ZBTB4: variants seen among roughly 807,000 people sequenced by gnomAD.
ZBTB4 encodes zinc finger and BTB domain-containing protein 4.
In ZBTB4, 14 loss-of-function variants were observed where a neutral mutation model predicts 59.8. The observed-to-expected ratio is 0.23, with a 90% CI of 0.15 to 0.37. The LOEUF is 0.37. Among genes scored for constraint, ZBTB4 ranks in the 10% least tolerant of loss-of-function variants. The pLI is 1.00. For missense variants in ZBTB4, 1,198 were observed against 1,380.8 expected (o/e 0.87, Z 2.10); for synonymous variants, 587 against 575.2 (o/e 1.02, Z -0.29).
At chr17:7,472,984 T>C (rs2070219822) in intron 1 of ZBTB4, among the ~76,000 whole-genome samples, 1 of 150,838 alleles carries the variant, frequency 6.6e-6, no homozygotes, top group South Asian at 2.1e-4. Flanking sequence ...GGACAGAGTC[T>C]AGCTCTGTCG....
chr17:7,468,809 C>T (rs777545744), intron 1 of ZBTB4, among the ~76,000 whole-genome samples: 10 of 152,204 alleles, frequency 6.6e-5, no homozygotes, highest in Non-Finnish European at 1.3e-4. Flanking sequence ...GCCTTTTCCC[C>T]ACATATACCC....
chr17:7,463,000 T>C lies in ZBTB4; in HGVS notation c.1982A>G (p.Asp661Gly). 1 of 1,610,340 alleles carries C rather than the reference T, an allele frequency of 6.2e-7. No individual in the cohort carries two copies. Among genetic ancestry groups the C allele is most frequent in the Non-Finnish European group, 8.5e-7 (1 of 1,179,084 alleles). ...GGAGTAGTAGGGCCTCCAGAGCTGGTCCTCCCCACCAGCCTTTGATTCCTC... is the reference window on the plus strand; with the variant it reads ...GGAGTAGTAGGGCCTCCAGAGCTGGCCCTCCCCACCAGCCTTTGATTCCTC... The part of the protein sequence containing the change: ...DEEESKAGGE[D>G]QLWRPYYSYK... The change falls in exon 4 of 4, where the codon GAC becomes GGC. Residue 661 changes from aspartate (D) to glycine (G), a missense_variant. Asp to Gly is a moderately conservative substitution (Grantham distance 94). Around this residue, in one of 9 missense-constraint regions of ZBTB4, gnomAD observed 550 missense variants for 541.8 expected, o/e 1.02. Transcript: ENST00000380599. The surrounding 1 kb of genome is among the most constrained non-coding windows in gnomAD (Gnocchi z 7.5).
At position 7,466,122 on chromosome 17, in the gene ZBTB4, C is replaced by A. The variant is rs1272130021; in HGVS notation, c.680G>T (p.Cys227Phe). The stretch of plus-strand genomic sequence containing the variant: ...GGGGAGGGGCCGCCGGGGCAGGGAG[C>A]ACTGCAAGTCAGGGGCCTGGGCCTC... ...RAEAQAPDLQCSLPRRPLPCP... is the reference protein window; with the variant it reads ...RAEAQAPDLQFSLPRRPLPCP... Residue 227 changes from cysteine (C) to phenylalanine (F), a missense_variant, in exon 3 of 4, where the codon TGC (cysteine) becomes TTC (phenylalanine). Coordinates refer to ENST00000380599, the MANE Select transcript of ZBTB4 (RefSeq NM_001128833.2). This position sits in a 1 kb window ranked among gnomAD's most constrained non-coding sequence, Gnocchi z 9.1. 3 of 1,609,196 alleles carry A rather than the reference C, an allele frequency of 1.9e-6. No homozygotes were observed. The East Asian group carries it at 6.7e-5, about 36-fold the overall frequency.
Position 7,462,046 on chromosome 17 carries a change from G to T in ZBTB4, c.2936C>A (p.Pro979His). The T allele has an allele frequency of 6.2e-7, 1 of 1,601,110 alleles. No homozygotes were observed. Among genetic ancestry groups the T allele is most frequent in the Middle Eastern group, 1.7e-4 (1 of 5,988 alleles). The change falls in exon 4 of 4, where the codon CCT becomes CAT. Residue 979 changes from proline (P) to histidine (H), a missense_variant. Transcript: ENST00000380599. This position sits in a 1 kb window ranked among gnomAD's most constrained non-coding sequence, Gnocchi z 7.5. ...TGGGGGAGGTGGTGTTGGTGGGGCA[G>T]GGGGTGCTGCTTGAGGATTCACTGC... Reference protein sequence around the residue: ...GYAVNPQAAPPAPPTPPPPTL... With the variant: ...GYAVNPQAAPHAPPTPPPPTL...
At chr17:7,481,999 C>A, upstream of ZBTB4, 2 of 1,598,110 alleles carry the variant, frequency 1.3e-6, no homozygotes, top group South Asian at 1.1e-5. Flanking sequence ...CTGGCAGTCA[C>A]CCCTACTTGA....
chr17:7,471,529 G>A (rs552698066), intron 1 of ZBTB4, among the ~76,000 whole-genome samples: 1 of 152,310 alleles, frequency 6.6e-6, no homozygotes, highest in Admixed American at 6.5e-5. Flanking sequence ...TCCCTTTCAG[G>A]TAGAAGGTAG....
chr17:7,479,274 G>A (rs947038523), intron 1 of ZBTB4, among the ~76,000 whole-genome samples, 182 bp downstream of exon 1: 1 of 151,564 alleles, frequency 6.6e-6, no homozygotes, highest in Non-Finnish European at 1.5e-5. Flanking sequence ...CCCCAGCGTC[G>A]TGCGCGCCCG....
At position 7,467,677 on chromosome 17, in the gene ZBTB4, AG is replaced by A. The variant is rs568772941; in HGVS notation, c.-80-351del. ...AGGGAAGCCTGTCACAGCACTCTCA[AG>A]TCCCTTTGGCCCAATCTCCAGGGCT... is the stretch of plus-strand genomic sequence containing the variant. On this transcript the variant is annotated intron_variant, in intron 1 of 3. Coordinates refer to ENST00000380599, the MANE Select transcript of ZBTB4 (RefSeq NM_001128833.2). Among the ~76,000 whole-genome samples the A allele has an allele frequency of 4.6e-5, 7 of 152,336 alleles. No homozygotes were observed. In the South Asian group the frequency reaches 1.4e-3, roughly 32 times the overall value.
At chr17:7,463,914 G>A in intron 3 of ZBTB4, 24 bp from the exon 4 acceptor site, 1 of 1,596,434 alleles carries the variant, frequency 6.3e-7, no homozygotes. Context: ...GCAGGGAATA[G>A]GGCAGGAACA....
intron 1 of ZBTB4, among the ~76,000 whole-genome samples, chr17:7,474,163 C>T (rs186952993): frequency 1.6e-3 from 246 of 151,620 alleles, no homozygotes; most frequent in Middle Eastern, 3.4e-3. Flanking sequence ...GTGATCCACC[C>T]GCCTTGGCCT....
In ZBTB4 at chr17:7,464,657, G is replaced by C. The variant is rs188153990; in HGVS notation, c.1092-767C>G. ...GTTCAAGAACAGCTTGGCCAACATG[G>C]TGAAACCCTGTCTCTACTAAAAATA... On this transcript the variant is annotated intron_variant, in intron 3 of 3. Coordinates refer to ENST00000380599, the MANE Select transcript of ZBTB4 (RefSeq NM_001128833.2). Among the ~76,000 whole-genome samples the C allele has an allele frequency of 2.4e-4, 37 of 151,998 alleles. No homozygotes were observed. In the East Asian group the frequency reaches 6.4e-3, roughly 26 times the overall value.
rs2069995507 is a variant in ZBTB4 at position 7,460,009 on chromosome 17, T to G, written c.*1931A>C. 2 of 152,642 alleles carry G rather than the reference T, an allele frequency of 1.3e-5. No homozygotes were observed. The highest frequency in any genetic ancestry group is 4.8e-5 in the African/African-American group (2 of 41,452). 9.5% of individuals were successfully genotyped at this position (152,642 alleles called of 1,614,324 possible). A position where few individuals can be genotyped will look rare whatever the true frequency, so the allele number is the denominator to read the frequency against. Reference sequence around the variant, plus strand: ...TGGTTCCGCTGTATAGATAGATAGATATATAATTTGTGTGTAGATATATAT... The same window carrying G: ...TGGTTCCGCTGTATAGATAGATAGAGATATAATTTGTGTGTAGATATATAT... On this transcript the variant is annotated 3_prime_UTR_variant, in exon 4 of 4. Transcript: ENST00000380599.
upstream of ZBTB4, chr17:7,481,904 C>T (rs1031046897): frequency 5.9e-6 from 9 of 1,513,378 alleles, no homozygotes; most frequent in South Asian, 1.3e-5. Context: ...CCACAGGGTC[C>T]CAGACCCCAT....
chr17:7,465,985 C>T lies in ZBTB4; in HGVS notation c.817G>A (p.Ala273Thr), dbSNP rs566705405. 1.1e-5 allele frequency: 18 copies of T among 1,601,428 alleles called. No individual in the cohort carries two copies. In the South Asian group the frequency reaches 1.7e-4, roughly 15 times the overall value. ...RGSTGLGAGG[A>T]GPGGPAGVDA... is the part of the protein sequence containing the mutation. ...ACCCCTGCAGGACCACCAGGGCCAG[C>T]GCCCCCAGCTCCCAGCCCTGTAGAC... is the stretch of plus-strand genomic sequence containing the variant. The change falls in exon 3 of 4, where the codon GCT (alanine) becomes ACT (threonine). Residue 273 changes from alanine (A) to threonine (T), a missense_variant. This residue lies in a region of ZBTB4 where 204 missense variants were observed against 205.5 expected (regional missense o/e 0.99). Coordinates refer to ENST00000380599, the MANE Select transcript of ZBTB4 (RefSeq NM_001128833.2).
chr17:7,467,330 G>A lies in ZBTB4; in HGVS notation c.-80-3C>T, dbSNP rs113594349. ...CCCTTCTGCTGGGCCTCTTCCTTCTGCGGAGAAACAGAAATTATGTCAGGG... is the reference window on the plus strand; with the variant it reads ...CCCTTCTGCTGGGCCTCTTCCTTCTACGGAGAAACAGAAATTATGTCAGGG... On this transcript the variant is annotated splice_polypyrimidine_tract_variant and splice_region_variant and intron_variant, in intron 1 of 3. Coordinates refer to ENST00000380599, the MANE Select transcript of ZBTB4 (RefSeq NM_001128833.2). 2.3e-6 allele frequency: 2 copies of A among 867,740 alleles called. No homozygotes were observed. Among genetic ancestry groups the A allele is most frequent in the African/African-American group, 1.8e-5 (1 of 54,762 alleles). The allele number at this position is 867,740 out of a possible 1,614,324, so 53.8% of individuals were successfully genotyped here.
chr17:7,466,509 G>A lies in ZBTB4; in HGVS notation c.293C>T (p.Ser98Phe). The A allele has an allele frequency of 6.2e-7, 1 of 1,609,662 alleles. No individual in the cohort carries two copies. Among genetic ancestry groups the A allele is most frequent in the Non-Finnish European group, 8.5e-7 (1 of 1,178,110 alleles). The change falls in exon 3 of 4, where the codon TCC (serine) becomes TTC (phenylalanine). Residue 98 changes from serine (S) to phenylalanine (F), a missense_variant. By Grantham distance (155) the Ser-to-Phe change is radical (BLOSUM62 -2). Around this residue, in one of 9 missense-constraint regions of ZBTB4, gnomAD observed 83 missense variants for 76.5 expected, o/e 1.09. Coordinates refer to ENST00000380599, the MANE Select transcript of ZBTB4 (RefSeq NM_001128833.2). This position sits in a 1 kb window ranked among gnomAD's most constrained non-coding sequence, Gnocchi z 9.1. The part of the protein sequence containing the change: ...SSSSSSSSSS[S>F]SSASSSSSSS... Reference sequence around the variant, plus strand: ...GGAAGAAGAAGAAGAAGCAGAGGAGGAAGAAGAGGAAGAAGACGAGGAAGA... The same window carrying A: ...GGAAGAAGAAGAAGAAGCAGAGGAGAAAGAAGAGGAAGAAGACGAGGAAGA...
Position 7,463,139 on chromosome 17 carries a change from T to G in ZBTB4, c.1843A>C (p.Lys615Gln). Residue 615 changes from lysine (K) to glutamine (Q), a missense_variant, in exon 4 of 4, where the codon AAG becomes CAG. This residue lies in a region of ZBTB4 where 550 missense variants were observed against 541.8 expected (regional missense o/e 1.02). Transcript: ENST00000380599. ...AGGTCAGTCTCTGAGATGCGGCGCT[T>G]GACGATGGCCTCCTCCCCTATTCGC... ...TVRIGEEAIVKRRISETDLRP... is the reference protein window; with the variant it reads ...TVRIGEEAIVQRRISETDLRP... The G allele has an allele frequency of 6.2e-7, 1 of 1,608,542 alleles. No individual in the cohort carries two copies. The highest frequency in any genetic ancestry group is 8.5e-7 in the Non-Finnish European group (1 of 1,178,946).
intron 3 of ZBTB4, among the ~76,000 whole-genome samples, chr17:7,464,873 G>T (rs1381192969): frequency 6.7e-6 from 1 of 148,660 alleles, no homozygotes; most frequent in Non-Finnish European, 1.5e-5. Context: ...AAAAAAAAAT[G>T]CCGCCGGGCG....
Position 7,465,950 on chromosome 17 carries a change from T to C in ZBTB4, c.852A>G (p.Ser284=). ...GGAAGCCCACTGGTGGAGGCAGGGC[T>C]GAGGCGTCCACCCCTGCAGGACCAC... is the stretch of plus-strand genomic sequence containing the variant. ...GPGGPAGVDA[S]ALPPPVGFRG... Residue 284 remains serine (S), a synonymous_variant, in exon 3 of 4, where the codon TCA becomes TCG. Coordinates refer to ENST00000380599, the MANE Select transcript of ZBTB4 (RefSeq NM_001128833.2). 1 of 1,604,924 alleles carries C rather than the reference T, an allele frequency of 6.2e-7. No individual in the cohort carries two copies. Among genetic ancestry groups the C allele is most frequent in the African/African-American group, 1.3e-5 (1 of 74,918 alleles).
Sources: gnomAD v4.1 joint callset for allele counts (sites outside exome capture counted in the v4.1 genomes callset) on GRCh38, gnomAD v4.1.1 for gene constraint, gnomAD v4.1.1 regional missense constraint, Gnocchi (gnomAD v3.1) non-coding constraint, MANE v1.5 for transcripts, NCBI Gene and HGNC (gene_info 2026-07-23, HGNC 2026-07-21) for gene names.